OR1A1: variants seen among roughly 807,000 people sequenced by gnomAD.
OR1A1 encodes olfactory receptor 1A1.
For missense variants in OR1A1, 391 were observed against 379.9 expected (o/e 1.03, Z -0.24); for synonymous variants, 145 against 147.8 (o/e 0.98, Z 0.13).
rs4374201 is a variant in OR1A1 at position 3,215,755 on chromosome 17, C to T, written c.135C>T (p.Ile45=). ...TCACATTGATTGGAAACCTGCTCATCGTCCTAGCCATTTGCTCTGATGTTC... is the reference window on the plus strand; with the variant it reads ...TCACATTGATTGGAAACCTGCTCATTGTCCTAGCCATTTGCTCTGATGTTC... ...YPITLIGNLL[I]VLAICSDVRL... The change falls in exon 4 of 4, where the codon ATC becomes ATT. Residue 45 remains isoleucine (I), a synonymous_variant. Transcript: ENST00000641732. 0.064 allele frequency: 103,688 copies of T among 1,613,982 alleles called. 3,785 individuals are homozygous for T. The highest frequency in any genetic ancestry group is 0.15 in the African/African-American group (11,319 of 74,960).
chr17:3,211,748 C>A (rs1292636335), intron 2 of OR1A1, among the ~76,000 whole-genome samples: 17 of 152,130 alleles, frequency 1.1e-4, no homozygotes, highest in Non-Finnish European at 2.5e-4. Flanking sequence ...GACATTTTCA[C>A]AATATTGAGG....
Position 3,208,565 on chromosome 17 carries a change from TC to T in OR1A1, c.-556-14del, listed in dbSNP as rs1203527267. Reference sequence around the variant, plus strand: ...ACCCAGATAAGGGGAAACACTTGCCTCCTCTGTCCCTGCAGAATTGTTCTCA... The same window carrying T: ...ACCCAGATAAGGGGAAACACTTGCCTCTCTGTCCCTGCAGAATTGTTCTCA... On this transcript the variant is annotated splice_polypyrimidine_tract_variant and intron_variant, in intron 1 of 3. Transcript: ENST00000641732. The T allele has an allele frequency of 1.6e-4, 25 of 152,314 alleles. No homozygotes were observed. Among genetic ancestry groups the T allele is most frequent in the African/African-American group, 5.8e-4 (24 of 41,560 alleles). 9.4% of individuals were successfully genotyped at this position (152,314 alleles called of 1,614,324 possible).
intron 2 of OR1A1, among the ~76,000 whole-genome samples, chr17:3,210,146 T>C (rs1328062721): frequency 7.9e-6 from 1 of 127,180 alleles, no homozygotes; most frequent in African/African-American, 2.8e-5. Flanking sequence ...TGTGCCCGTC[T>C]TCTTTTTTCT....
At chr17:3,208,180 T>TAG (rs1194869309) in intron 1 of OR1A1, among the ~76,000 whole-genome samples, 180 bp downstream of exon 1, 8 of 148,300 alleles carry the variant, frequency 5.4e-5, no homozygotes, top group Non-Finnish European at 9.1e-5. Flanking sequence ...GATATATATA[T>TAG]AGAGAGAGAG....
At chr17:3,208,450 C>T (rs1158911503) in intron 1 of OR1A1, 131 bp from the exon 2 acceptor site, 2 of 152,020 alleles carry the variant, frequency 1.3e-5, no homozygotes, top group African/African-American at 4.8e-5. Flanking sequence ...CATTAGAAAA[C>T]ATGGTATTTC....
rs2048425177 is a variant in OR1A1 at position 3,208,707 on chromosome 17, GC to G, written c.-429del. 1 of 151,974 alleles carries G rather than the reference GC, an allele frequency of 6.6e-6. No individual in the cohort carries two copies. Among genetic ancestry groups the G allele is most frequent in the Non-Finnish European group, 1.5e-5 (1 of 68,052 alleles). 9.4% of individuals were successfully genotyped at this position (151,974 alleles called of 1,614,324 possible). A position where few individuals can be genotyped will look rare whatever the true frequency, so the allele number is the denominator to read the frequency against. ...CGTCATCCCAGTGAACTCAAGGCCCGCTACGTCTCCAGCATGCATGTTGAGG... is the reference window on the plus strand; with the variant it reads ...CGTCATCCCAGTGAACTCAAGGCCCGTACGTCTCCAGCATGCATGTTGAGG... On this transcript the variant is annotated 5_prime_UTR_variant, in exon 2 of 4. Coordinates refer to ENST00000641732, the MANE Select transcript of OR1A1 (RefSeq NM_014565.3).
Position 3,216,111 on chromosome 17 carries a change from C to T in OR1A1, c.491C>T (p.Ala164Val), listed in dbSNP as rs755218380. The change falls in exon 4 of 4, where the codon GCT (alanine) becomes GTT (valine). Residue 164 changes from alanine (A) to valine (V), a missense_variant. Coordinates refer to ENST00000641732, the MANE Select transcript of OR1A1 (RefSeq NM_014565.3). ...GCCCTCCCCCACACTCTGCTCACAGCTAGTCTGTCCTTCTGTGGCAACCAG... is the reference window on the plus strand; with the variant it reads ...GCCCTCCCCCACACTCTGCTCACAGTTAGTCTGTCCTTCTGTGGCAACCAG... ...ANALPHTLLT[A>V]SLSFCGNQEV... 1 of 1,614,054 alleles carries T rather than the reference C, an allele frequency of 6.2e-7. No homozygotes were observed.
intron 2 of OR1A1, among the ~76,000 whole-genome samples, chr17:3,211,339 A>C (rs2048440599): frequency 3.2e-5 from 1 of 30,870 alleles, no homozygotes; most frequent in South Asian, 1.2e-3. Context: ...CTCCTAAATG[A>C]ATTTTTTTTT....
At position 3,208,667 on chromosome 17, in the gene OR1A1, T is replaced by A. The variant is rs1567523850; in HGVS notation, c.-470T>A. On this transcript the variant is annotated 5_prime_UTR_variant, in exon 2 of 4. The change abolishes an upstream ATG in the 5' untranslated region. Coordinates refer to ENST00000641732, the MANE Select transcript of OR1A1 (RefSeq NM_014565.3). ...AAAGTGGGTATTAAAGGCGCCGCAA[T>A]GTTCAAGGCCCTGACGTCATCCCAG... is the stretch of plus-strand genomic sequence containing the variant. The A allele has an allele frequency of 6.6e-6, 1 of 152,078 alleles. No homozygotes were observed. Among genetic ancestry groups the A allele is most frequent in the Admixed American group, 6.6e-5 (1 of 15,266 alleles). 9.4% of individuals were successfully genotyped at this position (152,078 alleles called of 1,614,324 possible). A position where few individuals can be genotyped will look rare whatever the true frequency, so the allele number is the denominator to read the frequency against.
At chr17:3,209,283 T>C (rs12941861) in intron 2 of OR1A1, among the ~76,000 whole-genome samples, 37,824 of 151,734 alleles carry the variant, frequency 0.25, 5,478 homozygotes, top group East Asian at 0.57. Flanking sequence ...GAACATACGA[T>C]GTTTGGTTTT....
chr17:3,217,816 A>G lies in OR1A1; in HGVS notation c.*1266A>G, dbSNP rs947554693. The G allele has an allele frequency of 6.6e-6, 1 of 152,258 alleles. No homozygotes were observed. The highest frequency in any genetic ancestry group is 2.4e-5 in the African/African-American group (1 of 41,468). 9.4% of individuals were successfully genotyped at this position (152,258 alleles called of 1,614,324 possible). On this transcript the variant is annotated 3_prime_UTR_variant, in exon 4 of 4. Transcript: ENST00000641732. ...AGGCTTAAACGTAAGACCTAAAACC[A>G]TAAAAACCTTAGAAGAAAACGTAGG...
chr17:3,212,110 T>C (rs536318075), intron 2 of OR1A1, among the ~76,000 whole-genome samples: 2 of 152,212 alleles, frequency 1.3e-5, no homozygotes, highest in Non-Finnish European at 2.9e-5. Flanking sequence ...TTCTTTTCTT[T>C]CCAATTCTTT....
intron 3 of OR1A1, chr17:3,212,965 T>C (rs1428497247): frequency 6.6e-6 from 1 of 152,226 alleles, no homozygotes; most frequent in Admixed American, 6.5e-5. Context: ...GTCATTAGCA[T>C]AGGGTGTGAA....
chr17:3,209,403 A>C (rs1754032322), intron 2 of OR1A1, among the ~76,000 whole-genome samples: 1 of 152,174 alleles, frequency 6.6e-6, no homozygotes, highest in African/African-American at 2.4e-5. Flanking sequence ...TGGGAGGATC[A>C]CTTCAGGCCA....
rs1271587732 is a variant in OR1A1 at position 3,216,843 on chromosome 17, G to A, written c.*293G>A. ...TGAGCCTCAGCTTTCACATCTACAT[G>A]TTAGGAATAATAAGTGCCCTACATG... On this transcript the variant is annotated 3_prime_UTR_variant, in exon 4 of 4. Transcript: ENST00000641732. 3.3e-6 allele frequency: 1 copy of A among 299,678 alleles called. No individual in the cohort carries two copies. The highest frequency in any genetic ancestry group is 6.2e-6 in the Non-Finnish European group (1 of 161,152). The allele number at this position is 299,678 out of a possible 1,614,324, so 18.6% of individuals were successfully genotyped here.
At chr17:3,209,728 C>G (rs1482769189) in intron 2 of OR1A1, among the ~76,000 whole-genome samples, 2 of 152,112 alleles carry the variant, frequency 1.3e-5, no homozygotes, top group East Asian at 3.9e-4. Flanking sequence ...CATGATCATA[C>G]CACTGCCCTC....
At chr17:3,212,088 C>G (rs2048444905) in intron 2 of OR1A1, among the ~76,000 whole-genome samples, 1 of 152,136 alleles carries the variant, frequency 6.6e-6, no homozygotes, top group South Asian at 2.1e-4. Flanking sequence ...TCTATGAACT[C>G]TTATCTTTTT....
rs1253396792 is a variant in OR1A1, at chr17:3,208,986, A to T, written c.-151A>T. On this transcript the variant is annotated 5_prime_UTR_variant, in exon 2 of 4. Transcript: ENST00000641732. ...AGAAGCTCATCATCTAGATTATACA[A>T]ATGGAACATTAGGTATTTGCTCCAA... 2.8e-4 allele frequency: 43 copies of T among 152,018 alleles called. No homozygotes were observed. Among genetic ancestry groups the T allele is most frequent in the Admixed American group, 2.8e-3 (43 of 15,272 alleles). The allele number at this position is 152,018 out of a possible 1,614,324, so 9.4% of individuals were successfully genotyped here.
In OR1A1 at chr17:3,209,235, C is replaced by G. The variant is rs182155015; in HGVS notation, c.-139+237C>G. Among the ~76,000 whole-genome samples the G allele has an allele frequency of 1.8e-4, 27 of 152,140 alleles. No homozygotes were observed. In the East Asian group the frequency reaches 5.2e-3, roughly 29 times the overall value. ...AAAGTCCACTGTATCATTCTTATGCCTTTGCATCCTCATAGCTTAGCTCCC... is the reference window on the plus strand; with the variant it reads ...AAAGTCCACTGTATCATTCTTATGCGTTTGCATCCTCATAGCTTAGCTCCC... On this transcript the variant is annotated intron_variant, in intron 2 of 3. Coordinates refer to ENST00000641732, the MANE Select transcript of OR1A1 (RefSeq NM_014565.3).
Sources: allele counts gnomAD v4.1 joint callset (sites outside exome capture counted in the v4.1 genomes callset), GRCh38; gene constraint gnomAD v4.1.1; transcripts MANE v1.5; gene names NCBI Gene and HGNC (gene_info 2026-07-23, HGNC 2026-07-21).